Variants in RIOX2 observed in about 807,000 individuals in gnomAD.
RIOX2 encodes the protein ribosomal oxygenase 2, also known as 60S ribosomal protein L27a histidine hydroxylase.
A neutral mutation model predicts 51.2 loss-of-function variants in RIOX2; 43 were observed. That is an observed-to-expected ratio of 0.84 (90% CI 0.66 to 1.08). The LOEUF (loss-of-function observed/expected upper bound fraction) is 1.08. Among genes scored for constraint, RIOX2 ranks in the 50% least tolerant of loss-of-function variants. The pLI is 0.00. For synonymous variants in RIOX2, 226 were observed against 218.5 expected, an observed-to-expected ratio of 1.03 and a Z score of -0.30; for missense variants, 566 against 561.7, an observed-to-expected ratio of 1.01 and a Z score of -0.08.
chr3:97,966,937 C>G (rs1403334267), intron 2 of RIOX2, among the ~76,000 whole-genome samples: 55 of 152,164 alleles, frequency 3.6e-4, no homozygotes. Context: ...CAATGATACC[C>G]AACAATGTCT....
intron 6 of RIOX2, among the ~76,000 whole-genome samples, chr3:97,950,444 C>T (rs1705198902): frequency 6.6e-6 from 1 of 152,144 alleles, no homozygotes; most frequent in African/African-American, 2.4e-5. Flanking sequence ...TACACCGAGG[C>T]CAGGATCTCC....
Position 97,943,486 on chromosome 3 carries a change from A to C in RIOX2, c.*1698T>G. The C allele has an allele frequency of 3.3e-5, 19 of 567,252 alleles. No individual in the cohort carries two copies. The highest frequency in any genetic ancestry group is 1.0e-4 in the East Asian group (3 of 29,842). The allele number at this position is 567,252 out of a possible 1,614,324, so 35.1% of individuals were successfully genotyped here. On this transcript the variant is annotated 3_prime_UTR_variant, in exon 10 of 10. Coordinates refer to ENST00000394198, the MANE Select transcript of RIOX2 (RefSeq NM_153182.4). ...ATCGCTCTTAACCATGGAAAAGCTC[A>C]AAATATTCTTGCCATTACTCAGTGT... is the stretch of plus-strand genomic sequence containing the variant.
At chr3:97,971,143 A>G (rs1706113923) in intron 1 of RIOX2, among the ~76,000 whole-genome samples, 1 of 152,238 alleles carries the variant, frequency 6.6e-6, no homozygotes, top group Non-Finnish European at 1.5e-5. Flanking sequence ...AGTATCGTAA[A>G]AGCTAAAAGG....
Position 97,967,546 on chromosome 3 carries a change from C to A in RIOX2, c.48G>T (p.Pro16=). 1 of 1,611,758 alleles carries A rather than the reference C, an allele frequency of 6.2e-7. No individual in the cohort carries two copies. ...KPTGSGKEEG[P]APCKQMKLEA... is the part of the protein sequence containing the mutation. Reference sequence around the variant, plus strand: ...CTAACTTCATCTGCTTACAGGGAGCCGGCCCCTCTTCCTTCCCACTCCCTG... The same window carrying A: ...CTAACTTCATCTGCTTACAGGGAGCAGGCCCCTCTTCCTTCCCACTCCCTG... The change falls in exon 2 of 10, where the codon CCG becomes CCT. Residue 16 remains proline, a synonymous_variant. Transcript: ENST00000394198.
At chr3:97,965,389 G>A (rs111702816) in intron 2 of RIOX2, among the ~76,000 whole-genome samples, 3,760 of 151,990 alleles carry the variant, frequency 0.025, 80 homozygotes, top group Non-Finnish European at 0.034. Flanking sequence ...GTATGTGCCT[G>A]TAATCCCAGC....
intron 8 of RIOX2, among the ~76,000 whole-genome samples, chr3:97,946,541 AT>A (rs1402838796): frequency 2.1e-4 from 28 of 136,348 alleles, no homozygotes; most frequent in Admixed American, 5.2e-4. Context: ...CAGAATCACT[AT>A]TTTTTTTTTA....
intron 1 of RIOX2, chr3:97,971,607 A>T (rs1706135735): frequency 6.6e-6 from 1 of 152,206 alleles, no homozygotes; most frequent in Non-Finnish European, 1.5e-5. Flanking sequence ...TATTTTCGTG[A>T]CCATGAGGTT....
At chr3:97,955,136 G>A (rs1335162239) in intron 4 of RIOX2, among the ~76,000 whole-genome samples, 2 of 152,002 alleles carry the variant, frequency 1.3e-5, no homozygotes, top group African/African-American at 2.4e-5. Context: ...TTACCATCTT[G>A]TCTTTCCCAG....
intron 7 of RIOX2, among the ~76,000 whole-genome samples, chr3:97,948,767 T>G (rs1008559704): frequency 6.6e-6 from 1 of 152,170 alleles, no homozygotes; most frequent in South Asian, 2.1e-4. Flanking sequence ...CTGAGTCCTA[T>G]AAGTCTTTTC....
At position 97,945,864 on chromosome 3, in the gene RIOX2, C is replaced by T. The variant is rs1026963750; in HGVS notation, c.1173G>A (p.Val391=). ...TATTCTTTAAGGAATGATAGATGTA[C>T]ACCATCTTTTCTTGAGCTTCATCCT... ...DQSDEAQEKM[V]YIYHSLKNSR... The change falls in exon 9 of 10, where the codon GTG becomes GTA. Residue 391 remains valine, a synonymous_variant. Coordinates refer to ENST00000394198, the MANE Select transcript of RIOX2 (RefSeq NM_153182.4). 6 of 1,609,002 alleles carry T rather than the reference C, an allele frequency of 3.7e-6. No individual in the cohort carries two copies. Among genetic ancestry groups the T allele is most frequent in the East Asian group, 4.5e-5 (2 of 44,804 alleles).
At position 97,942,314 on chromosome 3, in the gene RIOX2, G is replaced by A. The variant is rs772133194; in HGVS notation, c.*2870C>T. The A allele has an allele frequency of 2.5e-6, 4 of 1,610,890 alleles. No homozygotes were observed. The South Asian group carries it at 4.4e-5, about 18-fold the overall frequency. ...TGATACATGTCTTGATGTGATTGGT[G>A]GCCGGGACACACCTGGAGCTAAAGT... On this transcript the variant is annotated 3_prime_UTR_variant, in exon 10 of 10. Coordinates refer to ENST00000394198, the MANE Select transcript of RIOX2 (RefSeq NM_153182.4).
At position 97,945,431 on chromosome 3, in the gene RIOX2, CATT is replaced by C. The variant is rs1038052673; in HGVS notation, c.1240-92_1240-90del. On this transcript the variant is annotated intron_variant, in intron 9 of 9. Coordinates refer to ENST00000394198, the MANE Select transcript of RIOX2 (RefSeq NM_153182.4). ...TCCTGTAAATTTATTCTCCATACATCATTATTTTTGATACCCCTCATGAGTATT... is the reference window on the plus strand; with the variant it reads ...TCCTGTAAATTTATTCTCCATACATCATTTTTGATACCCCTCATGAGTATT... The C allele has an allele frequency of 3.7e-5, 45 of 1,213,442 alleles. No homozygotes were observed. The African/African-American group carries it at 5.3e-4, about 14-fold the overall frequency. The allele number at this position is 1,213,442 out of a possible 1,614,324, so 75.2% of individuals were successfully genotyped here.
chr3:97,954,429 G>C lies in RIOX2; in HGVS notation c.748C>G (p.His250Asp), dbSNP rs1220670908. 3 of 1,613,888 alleles carry C rather than the reference G, an allele frequency of 1.9e-6. No homozygotes were observed. The highest frequency in any genetic ancestry group is 2.5e-6 in the Non-Finnish European group (3 of 1,179,866). Reference protein sequence around the residue: ...HQADTPAGLAHSTHVTISTYQ... With the variant: ...HQADTPAGLADSTHVTISTYQ... ...GTGCTGATGGTCACGTGAGTAGAGT[G>C]GGCCAGCCCCGCAGGAGTGTCCGCT... The change falls in exon 5 of 10, where the codon CAC becomes GAC. Residue 250 changes from histidine to aspartate, a missense_variant. His to Asp is a moderately conservative substitution (Grantham distance 81). Transcript: ENST00000394198.
intron 4 of RIOX2, among the ~76,000 whole-genome samples, chr3:97,955,824 G>T (rs1219196236): frequency 6.6e-6 from 1 of 152,036 alleles, no homozygotes; most frequent in Non-Finnish European, 1.5e-5. Flanking sequence ...TACATTACAT[G>T]GTACAGCCTA....
chr3:97,954,245 A>G (rs1705371373), intron 5 of RIOX2, 147 bp downstream of exon 5: 2 of 619,742 alleles, frequency 3.2e-6, no homozygotes, highest in African/African-American at 1.8e-5. Context: ...TGGGACATCA[A>G]AGGAATGTGG....
Position 97,946,586 on chromosome 3 carries a change from G to GTATATATATATATATATATATATATA in RIOX2, c.1150-700_1150-699insTATATATATATATATATATATATATA, listed in dbSNP as rs4061087. Among the ~76,000 whole-genome samples the GTATATATATATATATATATATATATA allele has an allele frequency of 3.4e-4, 43 of 127,598 alleles. 1 individual carries two copies. The highest frequency in any genetic ancestry group is 1.4e-3 in the African/African-American group (41 of 30,048). The allele number at this position is 127,598 out of a possible 152,430, so 83.7% of individuals were successfully genotyped here. ...TGTAGGAATGTGTACTTTTGAGGAT[G>GTATATATATATATATATATATATATA]TATATATATATATATATATATCTAT... On this transcript the variant is annotated intron_variant, in intron 8 of 9. Transcript: ENST00000394198.
At chr3:97,953,287 G>A (rs548103914) in intron 5 of RIOX2, among the ~76,000 whole-genome samples, 1 of 152,136 alleles carries the variant, frequency 6.6e-6, no homozygotes, top group Non-Finnish European at 1.5e-5. Flanking sequence ...CAAAGTATAA[G>A]CTCTCTCAAA....
Position 97,959,170 on chromosome 3 carries a change from G to A in RIOX2, c.562C>T (p.Leu188=). The A allele has an allele frequency of 6.2e-7, 1 of 1,613,716 alleles. No individual in the cohort carries two copies. The highest frequency in any genetic ancestry group is 1.1e-5 in the South Asian group (1 of 90,988). The change falls in exon 4 of 10, where the codon CTG becomes TTG. Residue 188 remains leucine (L), a synonymous_variant. Coordinates refer to ENST00000394198, the MANE Select transcript of RIOX2 (RefSeq NM_153182.4). ...PHYDDVEVFI[L]QLEGEKHWRL... is the part of the protein sequence containing the mutation. ...CAGTGTTTCTCTCCCTCCAGCTGCA[G>A]GATGAAAACCTAGAGACCCACAAGG... is the stretch of plus-strand genomic sequence containing the variant.
chr3:97,949,386 C>T (rs1705148441), intron 7 of RIOX2, among the ~76,000 whole-genome samples: 1 of 152,134 alleles, frequency 6.6e-6, no homozygotes, highest in African/African-American at 2.4e-5. Context: ...ATACCAGCAC[C>T]ATGCTTCTTG....
Sources: allele counts gnomAD v4.1 joint callset (sites outside exome capture counted in the v4.1 genomes callset), GRCh38; gene constraint gnomAD v4.1.1; transcripts MANE v1.5; gene names NCBI Gene and HGNC (gene_info 2026-07-23, HGNC 2026-07-21).